GALNT13: variants seen among roughly 807,000 people sequenced by gnomAD.
GALNT13 encodes polypeptide N-acetylgalactosaminyltransferase 13, also known as UDP-GalNAc:polypeptide N-acetylgalactosaminyltransferase 13.
GALNT13 carries 28 observed loss-of-function variants against 64.2 expected under a neutral mutation model. The observed-to-expected ratio is 0.44, with a 90% CI of 0.32 to 0.60. GALNT13 has a LOEUF of 0.60. Among genes scored for constraint, GALNT13 ranks in the 20% least tolerant of loss-of-function variants. The pLI is 0.05. For missense variants in GALNT13, 577 were observed against 669.8 expected (o/e 0.86, Z 1.53); for synonymous variants, 214 against 224.6 (o/e 0.95, Z 0.42).
intron 3 of GALNT13, among the ~76,000 whole-genome samples, chr2:154,091,074 G>T (rs1340634576): frequency 4.0e-5 from 6 of 151,780 alleles, no homozygotes; most frequent in Non-Finnish European, 8.8e-5. Context: ...TTATAATATT[G>T]TGATAATATG....
At chr2:153,243,759 T>C in the GALNT13 span, among the ~76,000 whole-genome samples, 8 of 152,166 alleles carry the variant, frequency 5.3e-5, no homozygotes, top group African/African-American at 1.4e-4. Flanking sequence ...TGGATAAGAT[T>C]TGAAGGGGAT....
At chr2:153,818,567 A>C in the GALNT13 span, among the ~76,000 whole-genome samples, 1 of 151,846 alleles carries the variant, frequency 6.6e-6, no homozygotes, top group African/African-American at 2.4e-5. Context: ...CAGCATAGTG[A>C]CTCTGCCCCT....
the GALNT13 span, among the ~76,000 whole-genome samples, chr2:153,189,550 A>G: frequency 1.3e-5 from 2 of 152,138 alleles, no homozygotes; most frequent in Non-Finnish European, 2.9e-5. Context: ...GAATAGTGTT[A>G]TAATAAACAT....
At chr2:154,349,779 T>C (rs553892546) in intron 9 of GALNT13, among the ~76,000 whole-genome samples, 1 of 152,268 alleles carries the variant, frequency 6.6e-6, no homozygotes, top group South Asian at 2.1e-4. Context: ...TGGACACTGA[T>C]AAATAAGTGC....
downstream of GALNT13, among the ~76,000 whole-genome samples, chr2:154,455,821 A>T (rs373458438): frequency 6.6e-6 from 1 of 152,218 alleles, no homozygotes; most frequent in Admixed American, 6.5e-5. Context: ...ATACTGGTGA[A>T]TTCAGGCAGC....
At chr2:153,977,021 T>G (rs1175218085) in intron 3 of GALNT13, among the ~76,000 whole-genome samples, 1 of 152,262 alleles carries the variant, frequency 6.6e-6, no homozygotes, top group East Asian at 1.9e-4. Flanking sequence ...ATCTTTAAGT[T>G]ATTTTTAATA....
the GALNT13 span, among the ~76,000 whole-genome samples, chr2:153,472,014 G>A: frequency 1.3e-5 from 2 of 152,166 alleles, no homozygotes; most frequent in Admixed American, 6.5e-5. Context: ...GAATATGTGC[G>A]CATGCATCTG....
intron 11 of GALNT13, among the ~76,000 whole-genome samples, chr2:154,423,670 G>A (rs560052848): frequency 2.1e-4 from 32 of 152,248 alleles, no homozygotes; most frequent in African/African-American, 7.2e-4. Context: ...TAAGAGACAA[G>A]TTAAAATTGT....
At chr2:153,258,759 G>T in the GALNT13 span, among the ~76,000 whole-genome samples, 1 of 151,952 alleles carries the variant, frequency 6.6e-6, no homozygotes. Context: ...CCTTGTGTTT[G>T]TATAGTTTCC....
intron 3 of GALNT13, among the ~76,000 whole-genome samples, chr2:153,956,381 C>T (rs547087244): frequency 1.3e-4 from 20 of 152,120 alleles, no homozygotes; most frequent in Non-Finnish European, 2.6e-4. Context: ...GATATAGAGA[C>T]CATTTTCTAA....
At chr2:154,416,505 C>T (rs1214335385) in intron 11 of GALNT13, among the ~76,000 whole-genome samples, 2 of 151,988 alleles carry the variant, frequency 1.3e-5, no homozygotes, top group Admixed American at 6.6e-5. Flanking sequence ...GGGACTCAAA[C>T]GTTTAGACTA....
the GALNT13 span, among the ~76,000 whole-genome samples, chr2:153,860,382 G>A: frequency 3.3e-5 from 5 of 152,286 alleles, no homozygotes; most frequent in East Asian, 9.7e-4. Flanking sequence ...GCAAAGTTCA[G>A]AACAATCGAG....
At chr2:153,827,580 C>T in the GALNT13 span, among the ~76,000 whole-genome samples, 2 of 144,154 alleles carry the variant, frequency 1.4e-5, no homozygotes, top group Admixed American at 7.2e-5. Context: ...TAGCTGAGAT[C>T]GTGCCACTGC....
the GALNT13 span, among the ~76,000 whole-genome samples, chr2:153,282,601 G>A: frequency 6.6e-6 from 1 of 151,936 alleles, no homozygotes; most frequent in East Asian, 1.9e-4. Flanking sequence ...TTTTTTGTAG[G>A]GATAGGGTTT....
chr2:153,238,723 TGGTTACTATA>T, the GALNT13 span, among the ~76,000 whole-genome samples: 1 of 152,122 alleles, frequency 6.6e-6, no homozygotes, highest in Non-Finnish European at 1.5e-5. Context: ...CATGCTGTTT[TGGTTACTATA>T]GGTTACTATA....
the GALNT13 span, among the ~76,000 whole-genome samples, chr2:153,643,753 A>G: frequency 2.1e-4 from 32 of 152,120 alleles, no homozygotes; most frequent in African/African-American, 7.7e-4. Context: ...GATATATCAC[A>G]ATAAATTTTA....
At chr2:153,172,662 A>G in the GALNT13 span, among the ~76,000 whole-genome samples, 2 of 152,264 alleles carry the variant, frequency 1.3e-5, no homozygotes, top group East Asian at 3.9e-4. Context: ...CAAACAAAGA[A>G]ATGTTTTTCA....
At chr2:153,678,697 G>A in the GALNT13 span, among the ~76,000 whole-genome samples, 1 of 151,952 alleles carries the variant, frequency 6.6e-6, no homozygotes, top group Non-Finnish European at 1.5e-5. Flanking sequence ...GGGAAAAAAA[G>A]TAGGAGAAAT....
In GALNT13 at chr2:154,168,431, A is replaced by G. The variant is rs193204171; in HGVS notation, c.311+27926A>G. ...TTACTCAAAGTCTACTAATTGACCT[A>G]ATTTCATCTAAAAAATACCACTATA... On this transcript the variant is annotated intron_variant, in intron 4 of 12. Transcript: ENST00000392825. Among the ~76,000 whole-genome samples, 8 of 152,256 alleles carry G rather than the reference A, an allele frequency of 5.3e-5. No homozygotes were observed. The East Asian group carries it at 1.5e-3, about 29-fold the overall frequency.
Sources: gnomAD v4.1 joint callset for allele counts (sites outside exome capture counted in the v4.1 genomes callset) on GRCh38, gnomAD v4.1.1 for gene constraint, MANE v1.5 for transcripts, NCBI Gene and HGNC (gene_info 2026-07-23, HGNC 2026-07-21) for gene names.